The following RGS6 variants were observed in gnomAD, a reference collection of about 807,000 sequenced individuals.
The protein encoded by RGS6 is regulator of G-protein signaling 6.
Under a neutral mutation model 78.5 loss-of-function variants are expected in RGS6, and 30 were observed. The observed-to-expected ratio is 0.38, with a 90% CI of 0.29 to 0.52. The LOEUF (loss-of-function observed/expected upper bound fraction) is 0.52. Among genes scored for constraint, RGS6 ranks in the 20% least tolerant of loss-of-function variants. The probability of loss-of-function intolerance (pLI) is 0.85; values close to 1 mark genes in which losing one functional copy is unlikely to be tolerated. For synonymous variants in RGS6, 206 were observed against 206.0 expected (o/e 1.00, Z 0.00); for missense variants, 495 against 609.7 (o/e 0.81, Z 1.98).
intron 3 of RGS6, among the ~76,000 whole-genome samples, chr14:72,429,304 T>C (rs112276373): frequency 1.3e-5 from 2 of 152,362 alleles, no homozygotes; most frequent in African/African-American, 4.8e-5. Flanking sequence ...TGGCTAGGTT[T>C]AAATTAGGCA....
intron 2 of RGS6, among the ~76,000 whole-genome samples, chr14:72,092,001 C>CTTTTGTTTTGTTTTGTTTTGTTTTG: frequency 1.3e-5 from 2 of 150,776 alleles, no homozygotes; most frequent in South Asian, 2.1e-4. Flanking sequence ...TAGCTTCAGC[C>CTTTTGTTTTGTTTTGTTTTGTTTTG]TTTTGTTTTG....
At chr14:72,155,173 T>G (rs553484507) in intron 2 of RGS6, among the ~76,000 whole-genome samples, 13 of 152,258 alleles carry the variant, frequency 8.5e-5, no homozygotes, top group Non-Finnish European at 1.8e-4. Context: ...GAGTCACAGC[T>G]GGGCTTTCTG....
At chr14:72,616,813 G>A in the RGS6 span, among the ~76,000 whole-genome samples, 50 of 152,266 alleles carry the variant, frequency 3.3e-4, no homozygotes, top group African/African-American at 9.1e-4. Flanking sequence ...TACCAACCCC[G>A]TCCTCTTTTG....
intron 2 of RGS6, among the ~76,000 whole-genome samples, chr14:72,139,503 A>G (rs935099720): frequency 6.6e-6 from 1 of 152,250 alleles, no homozygotes; most frequent in Non-Finnish European, 1.5e-5. Flanking sequence ...TTTCATAGTA[A>G]GAACTTGCTC....
intron 2 of RGS6, among the ~76,000 whole-genome samples, chr14:72,142,235 AC>A (rs2096549897): frequency 6.6e-6 from 1 of 152,130 alleles, no homozygotes; most frequent in Non-Finnish European, 1.5e-5. Flanking sequence ...TAATGGGCAC[AC>A]CAGCTTTTAT....
intron 2 of RGS6, among the ~76,000 whole-genome samples, chr14:72,243,113 G>A (rs1237770777): frequency 2.0e-5 from 3 of 151,998 alleles, no homozygotes; most frequent in Non-Finnish European, 4.4e-5. Context: ...GCCTCCCAAA[G>A]TGCTGGGATT....
chr14:72,324,094 C>G (rs115840985), intron 2 of RGS6, among the ~76,000 whole-genome samples: 1,739 of 152,188 alleles, frequency 0.011, 27 homozygotes, highest in African/African-American at 0.04. Flanking sequence ...TTGTCACTGA[C>G]TGCAGTCACC....
At chr14:71,937,151 A>T (rs988879969) in intron 1 of RGS6, among the ~76,000 whole-genome samples, 6 of 152,232 alleles carry the variant, frequency 3.9e-5, no homozygotes, top group Non-Finnish European at 7.3e-5. Context: ...CAGGTCAATC[A>T]TGCCAGCCAA....
chr14:72,163,885 A>C (rs1407763780), intron 2 of RGS6, among the ~76,000 whole-genome samples: 3 of 110,750 alleles, frequency 2.7e-5, no homozygotes, highest in African/African-American at 8.8e-5. Context: ...TCCATCTCAA[A>C]AAAAAAAAAA....
intron 15 of RGS6, among the ~76,000 whole-genome samples, chr14:72,529,650 C>A (rs1282524163): frequency 6.6e-6 from 1 of 152,020 alleles, no homozygotes; most frequent in Non-Finnish European, 1.5e-5. Context: ...AAGACCAGAC[C>A]CCCCCCTCCC....
At chr14:72,612,511 T>C in the RGS6 span, 1 of 518,766 alleles carries the variant, frequency 1.9e-6, no homozygotes, top group Admixed American at 1.9e-5. Flanking sequence ...CTTTTTCCTA[T>C]ACGCCACTGT....
At chr14:72,509,677 A>G (rs1365464408) in intron 13 of RGS6, among the ~76,000 whole-genome samples, 2 of 152,218 alleles carry the variant, frequency 1.3e-5, no homozygotes, top group African/African-American at 2.4e-5. Flanking sequence ...GGATGTGTCA[A>G]TACATTTCTG....
intron 15 of RGS6, among the ~76,000 whole-genome samples, chr14:72,532,968 T>C (rs1278607768): frequency 1.3e-5 from 2 of 152,242 alleles, no homozygotes; most frequent in African/African-American, 4.8e-5. Flanking sequence ...CTAAGATCAT[T>C]GATGAAGGTG....
chr14:72,005,508 A>G (rs2084379752), intron 2 of RGS6, among the ~76,000 whole-genome samples: 7 of 145,118 alleles, frequency 4.8e-5, no homozygotes, highest in Admixed American at 2.1e-4. Context: ...GAAACAGCCT[A>G]TAATCCAATT....
At chr14:72,619,923 G>A in the RGS6 span, 15 of 1,533,162 alleles carry the variant, frequency 9.8e-6, no homozygotes, top group African/African-American at 1.4e-5. Context: ...CTCAGCCACC[G>A]GGGGATTTAA....
At chr14:72,348,962 C>A (rs572381935) in intron 2 of RGS6, among the ~76,000 whole-genome samples, 162 of 151,920 alleles carry the variant, frequency 1.1e-3, no homozygotes, top group Non-Finnish European at 1.9e-3. Flanking sequence ...GTCAGGAGAT[C>A]GAGACCATCC....
chr14:72,259,081 A>G (rs1021525397), intron 2 of RGS6, among the ~76,000 whole-genome samples: 4 of 152,208 alleles, frequency 2.6e-5, no homozygotes, highest in Non-Finnish European at 5.9e-5. Flanking sequence ...AGGACATTGC[A>G]TGGTACAGCC....
intron 15 of RGS6, among the ~76,000 whole-genome samples, chr14:72,532,261 G>A (rs1447053886): frequency 6.6e-6 from 1 of 152,170 alleles, no homozygotes; most frequent in Non-Finnish European, 1.5e-5. Context: ...GGTGATCTTT[G>A]ATGTTACTAT....
At chr14:72,584,809 C>T in the RGS6 span, among the ~76,000 whole-genome samples, 2 of 152,128 alleles carry the variant, frequency 1.3e-5, no homozygotes, top group Non-Finnish European at 2.9e-5. Context: ...AATATTGGAT[C>T]ATGGAGTCAG....
Sources: allele counts gnomAD v4.1 joint callset (sites outside exome capture counted in the v4.1 genomes callset), GRCh38; gene constraint gnomAD v4.1.1; transcripts MANE v1.5; gene names NCBI Gene and HGNC (gene_info 2026-07-23, HGNC 2026-07-21).